AKT3: variants seen among roughly 807,000 people sequenced by gnomAD.
AKT3 encodes the protein AKT serine/threonine kinase 3.
AKT3 carries 15 observed loss-of-function variants against 65.3 expected under a neutral mutation model. That is an observed-to-expected ratio of 0.23 (90% CI 0.15 to 0.35). The LOEUF is 0.35. Ranked by LOEUF, AKT3 falls within the 10% of genes least tolerant of loss-of-function variation. The pLI is 1.00. For missense variants in AKT3, 243 were observed against 576.5 expected, an observed-to-expected ratio of 0.42 and a Z score of 5.92; for synonymous variants, 206 against 183.8, an observed-to-expected ratio of 1.12 and a Z score of -0.98.
chr1:243,763,821 T>A (rs1232569589), intron 2 of AKT3, among the ~76,000 whole-genome samples: 1 of 152,156 alleles, frequency 6.6e-6, no homozygotes, highest in East Asian at 1.9e-4. Flanking sequence ...ATATCATATT[T>A]CCTTTAAGGT....
intron 2 of AKT3, among the ~76,000 whole-genome samples, chr1:243,773,835 C>A (rs1451616781): frequency 3.9e-5 from 6 of 152,174 alleles, no homozygotes; most frequent in Admixed American, 3.9e-4. Context: ...AATATCTCCC[C>A]TAACAGACGT....
At chr1:243,492,506 G>A (rs1666747091) in intron 13 of AKT3, among the ~76,000 whole-genome samples, 2 of 150,376 alleles carry the variant, frequency 1.3e-5, no homozygotes, top group Non-Finnish European at 2.9e-5. Context: ...GTTTCGCCAT[G>A]TTGGCCAGGC....
intron 8 of AKT3, among the ~76,000 whole-genome samples, chr1:243,598,662 T>G (rs1055802675): frequency 6.6e-6 from 1 of 152,190 alleles, no homozygotes; most frequent in Non-Finnish European, 1.5e-5. Context: ...TCAACAGGCT[T>G]CTCTCATCAG....
At chr1:243,742,081 TA>T (rs1688193436) in intron 2 of AKT3, among the ~76,000 whole-genome samples, 1 of 118,594 alleles carries the variant, frequency 8.4e-6, no homozygotes, top group African/African-American at 3.0e-5. Context: ...AAAAAAACAG[TA>T]AAAAATAACA....
chr1:243,843,536 A>T (rs759849914), intron 1 of AKT3: 54 of 1,063,522 alleles, frequency 5.1e-5, no homozygotes, highest in Non-Finnish European at 6.1e-5. Flanking sequence ...AAAACCAGTC[A>T]CGCCTACCCA....
chr1:243,642,049 T>C (rs977466547), intron 5 of AKT3, among the ~76,000 whole-genome samples: 1 of 152,190 alleles, frequency 6.6e-6, no homozygotes, highest in African/African-American at 2.4e-5. Context: ...AGTTTGACTC[T>C]CAATCTTTAA....
chr1:243,716,610 ACT>A (rs1369598712), intron 2 of AKT3, among the ~76,000 whole-genome samples: 1 of 152,188 alleles, frequency 6.6e-6, no homozygotes, highest in African/African-American at 2.4e-5. Context: ...TTTAAAACAA[ACT>A]CTTCATTTCT....
chr1:243,488,507 C>G (rs568933932), intron 13 of AKT3: 2 of 198,042 alleles, frequency 1.0e-5, no homozygotes, highest in South Asian at 9.3e-5. Context: ...AGAGGAGCGC[C>G]CATCAGCAGA....
At chr1:243,778,994 C>T (rs1469949457) in intron 2 of AKT3, among the ~76,000 whole-genome samples, 1 of 151,652 alleles carries the variant, frequency 6.6e-6, no homozygotes, top group East Asian at 1.9e-4. Context: ...CATTGTATTG[C>T]TGTACCATGA....
chr1:243,711,834 G>T (rs1686177122), intron 2 of AKT3, among the ~76,000 whole-genome samples: 2 of 152,136 alleles, frequency 1.3e-5, no homozygotes, highest in South Asian at 4.1e-4. Context: ...TCTGGTCTTT[G>T]TAACTTCAAA....
intron 6 of AKT3, among the ~76,000 whole-genome samples, chr1:243,618,491 A>G (rs1678497674): frequency 6.6e-6 from 1 of 152,188 alleles, no homozygotes; most frequent in Non-Finnish European, 1.5e-5. Flanking sequence ...GTTAAAAATA[A>G]CAGTAGTAAA....
chr1:243,579,813 G>A (rs1011695623), intron 8 of AKT3, among the ~76,000 whole-genome samples: 1 of 152,050 alleles, frequency 6.6e-6, no homozygotes, highest in Non-Finnish European at 1.5e-5. Flanking sequence ...CAGAATACTT[G>A]AACATGACAA....
At chr1:243,850,334 GGA>G (rs1464461203), upstream of AKT3, among the ~76,000 whole-genome samples, 1 of 150,168 alleles carries the variant, frequency 6.7e-6, no homozygotes, top group Admixed American at 6.6e-5. Flanking sequence ...GGGGGAGGGA[GGA>G]GAGAGGGCGG....
chr1:243,498,909 T>C (rs1187752139), downstream of AKT3, among the ~76,000 whole-genome samples: 1 of 152,226 alleles, frequency 6.6e-6, no homozygotes, highest in Non-Finnish European at 1.5e-5. Context: ...GAAACCGGGA[T>C]TTGGAAAATA....
chr1:243,637,778 A>G, intron 5 of AKT3, 36 bp from the exon 6 acceptor site: 2 of 1,396,014 alleles, frequency 1.4e-6, no homozygotes, highest in South Asian at 1.3e-5. Flanking sequence ...AATATGAAGT[A>G]TTTGATGCAA....
intron 10 of AKT3, among the ~76,000 whole-genome samples, chr1:243,561,239 A>G (rs1018931784): frequency 1.3e-5 from 2 of 152,130 alleles, no homozygotes; most frequent in Non-Finnish European, 2.9e-5. Flanking sequence ...ATAGACCAGC[A>G]TGAGTTACTT....
chr1:243,706,145 A>G (rs564868010), intron 2 of AKT3, among the ~76,000 whole-genome samples: 1 of 152,330 alleles, frequency 6.6e-6, no homozygotes, highest in Non-Finnish European at 1.5e-5. Flanking sequence ...CCATAACGCA[A>G]GAAACTACCA....
At chr1:243,803,973 C>T (rs1469564254) in intron 2 of AKT3, among the ~76,000 whole-genome samples, 1 of 152,210 alleles carries the variant, frequency 6.6e-6, no homozygotes, top group Non-Finnish European at 1.5e-5. Flanking sequence ...AGGCTATAAG[C>T]ACACAACAGA....
chr1:243,695,534 C>A, intron 3 of AKT3, 57 bp downstream of exon 3: 1 of 1,471,060 alleles, frequency 6.8e-7, no homozygotes, highest in Non-Finnish European at 9.2e-7. Flanking sequence ...ATATCTGACA[C>A]ATAAAATCAT....
Sources: allele counts gnomAD v4.1 joint callset (sites outside exome capture counted in the v4.1 genomes callset), GRCh38; gene constraint gnomAD v4.1.1; transcripts MANE v1.5; gene names NCBI Gene and HGNC (gene_info 2026-07-23, HGNC 2026-07-21).